Variants in ITGA2 observed in about 807,000 individuals in gnomAD.
ITGA2 encodes the protein integrin alpha-2.
A neutral mutation model predicts 146.3 loss-of-function variants in ITGA2; 101 were observed. The observed-to-expected ratio is 0.69, with a 90% CI of 0.59 to 0.81. The LOEUF is 0.81. Ranked by LOEUF, ITGA2 falls within the 40% of genes least tolerant of loss-of-function variation. The pLI is 0.00. For synonymous variants in ITGA2, 477 were observed against 487.1 expected (o/e 0.98, Z 0.27); for missense variants, 1,281 against 1,402.7 (o/e 0.91, Z 1.39).
In ITGA2 at chr5:53,075,001, T is replaced by A. The variant is rs1202297850; in HGVS notation, c.2665-60T>A. 5 of 1,109,018 alleles carry A rather than the reference T, an allele frequency of 4.5e-6. No homozygotes were observed. In the African/African-American group the frequency reaches 7.8e-5, roughly 17 times the overall value. The allele number at this position is 1,109,018 out of a possible 1,614,324, so 68.7% of individuals were successfully genotyped here. ...TACTTTTATGAGAAACATTTTTTTT[T>A]TCACGTTGGCCTCTGAGTATGAAGC... On this transcript the variant is annotated intron_variant, in intron 21 of 29. Coordinates refer to ENST00000296585, the MANE Select transcript of ITGA2 (RefSeq NM_002203.4).
In ITGA2 at chr5:53,065,688, G is replaced by C. The variant is rs955997956; in HGVS notation, c.1807-153G>C. 4.3e-6 allele frequency: 4 copies of C among 920,324 alleles called. No individual in the cohort carries two copies. In the Admixed American group the frequency reaches 8.4e-5, roughly 19 times the overall value. The allele number at this position is 920,324 out of a possible 1,614,324, so 57.0% of individuals were successfully genotyped here. A position where few individuals can be genotyped will look rare whatever the true frequency, so the allele number is the denominator to read the frequency against. ...GAGTGATGCAGAGATCAGATAATAA[G>C]ATGTGATTAAAAAATGAATCTTTAG... On this transcript the variant is annotated intron_variant, in intron 14 of 29. Coordinates refer to ENST00000296585, the MANE Select transcript of ITGA2 (RefSeq NM_002203.4).
chr5:53,030,597 C>T (rs955230632), intron 2 of ITGA2, among the ~76,000 whole-genome samples: 1 of 152,200 alleles, frequency 6.6e-6, no homozygotes, highest in African/African-American at 2.4e-5. Flanking sequence ...TGTCTGGGTC[C>T]TTTTGTTGAT....
rs1326748789 is a variant in ITGA2, at chr5:53,067,162, C to T, written c.1988C>T (p.Pro663Leu). The T allele has an allele frequency of 3.7e-6, 6 of 1,611,238 alleles. No individual in the cohort carries two copies. The highest frequency in any genetic ancestry group is 5.1e-6 in the Non-Finnish European group (6 of 1,178,560). Reference sequence around the variant, plus strand: ...GTAGCTATAGAAGCTTCATTCACACCAGAAAAAATCACTTTGGTCAACAAG... The same window carrying T: ...GTAGCTATAGAAGCTTCATTCACACTAGAAAAAATCACTTTGGTCAACAAG... ...ADVAIEASFT[P>L]EKITLVNKNA... Residue 663 changes from proline to leucine, a missense_variant, in exon 16 of 30, where the codon CCA becomes CTA. Coordinates refer to ENST00000296585, the MANE Select transcript of ITGA2 (RefSeq NM_002203.4).
chr5:53,016,136 T>C (rs575596349), intron 1 of ITGA2, among the ~76,000 whole-genome samples: 1 of 152,334 alleles, frequency 6.6e-6, no homozygotes, highest in East Asian at 1.9e-4. Flanking sequence ...TCAAGTTAGC[T>C]GATTGTTATA....
chr5:53,058,910 A>T (rs138509666), intron 10 of ITGA2, among the ~76,000 whole-genome samples: 282 of 152,108 alleles, frequency 1.9e-3, no homozygotes, highest in Admixed American at 4.7e-3. Context: ...CAATCCCATG[A>T]GGTTTTTGTA....
intron 1 of ITGA2, among the ~76,000 whole-genome samples, chr5:53,019,411 G>A (rs1208658380): frequency 6.6e-6 from 1 of 152,196 alleles, no homozygotes; most frequent in Non-Finnish European, 1.5e-5. Context: ...TGCCCAGGAT[G>A]TGAATCGTCC....
Position 53,062,941 on chromosome 5 carries a change from A to C in ITGA2, c.1602+12A>C. On this transcript the variant is annotated intron_variant, in intron 13 of 29. Transcript: ENST00000296585. ...TTACTATCAAAGAGGTAAAAAAAAAAAAATAAACTAATAGTTTAATTTGCT... is the reference window on the plus strand; with the variant it reads ...TTACTATCAAAGAGGTAAAAAAAAACAAATAAACTAATAGTTTAATTTGCT... 1 of 1,600,508 alleles carries C rather than the reference A, an allele frequency of 6.2e-7. No homozygotes were observed. Among genetic ancestry groups the C allele is most frequent in the South Asian group, 1.1e-5 (1 of 89,812 alleles).
At chr5:53,073,290 C>T (rs756649054) in intron 20 of ITGA2, 31 bp downstream of exon 20, 2 of 1,609,266 alleles carry the variant, frequency 1.2e-6, no homozygotes, top group South Asian at 1.1e-5. Context: ...CTTACTTCCA[C>T]CATGCTTCCT....
At chr5:53,015,471 AT>A (rs60122376) in intron 1 of ITGA2, among the ~76,000 whole-genome samples, 142,005 of 151,272 alleles carry the variant, frequency 0.94, 66,704 homozygotes, top group Non-Finnish European at 0.96. Flanking sequence ...GGTTGGTATG[AT>A]TTTTTTTTTT....
chr5:53,070,180 G>T lies in ITGA2; in HGVS notation c.2155G>T (p.Glu719Ter). The T allele has an allele frequency of 1.1e-5, 17 of 1,611,806 alleles. No homozygotes were observed. Among genetic ancestry groups the T allele is most frequent in the Non-Finnish European group, 1.4e-5 (17 of 1,178,634 alleles). Reference sequence around the variant, plus strand: ...AGTAACCTCCAGGGGGTTATTTAAAGAAAACAATGAAAGGTGCCTGCAGAA... The same window carrying T: ...AGTAACCTCCAGGGGGTTATTTAAATAAAACAATGAAAGGTGCCTGCAGAA... ...SRVTSRGLFKENNERCLQKNM... is the reference protein window; with the variant it reads ...SRVTSRGLFK Residue 719 changes from glutamate to a stop codon, truncating the protein, a stop_gained, in exon 17 of 30, where the codon GAA (glutamate) becomes TAA (stop). Coordinates refer to ENST00000296585, the MANE Select transcript of ITGA2 (RefSeq NM_002203.4). LOFTEE classifies it high-confidence loss of function.
chr5:52,991,211 A>C (rs569079755), intron 1 of ITGA2, among the ~76,000 whole-genome samples: 2 of 152,292 alleles, frequency 1.3e-5, no homozygotes, highest in African/African-American at 4.8e-5. Context: ...TGTATACTCA[A>C]GGAACAGGTT....
At chr5:53,057,655 G>T in intron 9 of ITGA2, among the ~76,000 whole-genome samples, 1 of 151,908 alleles carries the variant, frequency 6.6e-6, no homozygotes, top group East Asian at 1.9e-4. Flanking sequence ...TAGTTTCTTA[G>T]CTAGTAATGA....
intron 1 of ITGA2, among the ~76,000 whole-genome samples, chr5:53,020,221 T>C (rs757216495): frequency 1.3e-4 from 20 of 152,230 alleles, no homozygotes; most frequent in African/African-American, 4.3e-4. Context: ...AATTCATTAG[T>C]TTTGTATTAT....
rs542964824 is a variant in ITGA2 at position 53,042,099 on chromosome 5, A to T, written c.186-13A>T. 6.6e-7 allele frequency: 1 copy of T among 1,521,856 alleles called. No individual in the cohort carries two copies. Among genetic ancestry groups the T allele is most frequent in the African/African-American group, 1.4e-5 (1 of 73,080 alleles). The allele number at this position is 1,521,856 out of a possible 1,614,324, so 94.3% of individuals were successfully genotyped here. ...TTAACACTTTGTGTCTAATAAAAAA[A>T]ATGTGTTTCTAGGTTACTGGTTGGT... is the stretch of plus-strand genomic sequence containing the variant. On this transcript the variant is annotated splice_polypyrimidine_tract_variant and intron_variant, in intron 2 of 29. Coordinates refer to ENST00000296585, the MANE Select transcript of ITGA2 (RefSeq NM_002203.4).
At chr5:53,088,017 A>G (rs769486656) in intron 28 of ITGA2, among the ~76,000 whole-genome samples, 5 of 152,150 alleles carry the variant, frequency 3.3e-5, no homozygotes, top group African/African-American at 7.2e-5. Flanking sequence ...AACAGAGCAC[A>G]CTTCTCTGCC....
At chr5:53,074,513 C>A in intron 21 of ITGA2, 36 bp downstream of exon 21, 1 of 1,468,246 alleles carries the variant, frequency 6.8e-7, no homozygotes, top group Non-Finnish European at 9.5e-7. Context: ...TCCATACAAG[C>A]CCTCCTTAGC....
chr5:53,025,971 AT>A (rs1010801933), intron 1 of ITGA2, among the ~76,000 whole-genome samples: 4 of 151,744 alleles, frequency 2.6e-5, no homozygotes, highest in Non-Finnish European at 4.4e-5. Flanking sequence ...TTCAAAAAAA[AT>A]AAAATAAAAT....
intron 17 of ITGA2, 127 bp from the exon 18 acceptor site, chr5:53,071,811 C>A: frequency 1.4e-6 from 1 of 724,900 alleles, no homozygotes. Context: ...AGATATTCTA[C>A]ATAATTGAGA....
intron 7 of ITGA2, among the ~76,000 whole-genome samples, chr5:53,053,289 T>C (rs972555438): frequency 1.3e-5 from 2 of 152,162 alleles, no homozygotes; most frequent in Non-Finnish European, 2.9e-5. Flanking sequence ...CAAGAGAAGA[T>C]ATGATTGGTT....
Sources: gnomAD v4.1 joint callset for allele counts (sites outside exome capture counted in the v4.1 genomes callset) on GRCh38, gnomAD v4.1.1 for gene constraint, MANE v1.5 for transcripts, NCBI Gene and HGNC (gene_info 2026-07-23, HGNC 2026-07-21) for gene names.